Variants in CES5A observed in about 807,000 individuals in gnomAD.
CES5A encodes carboxylesterase 5.
In CES5A, 67 loss-of-function variants were observed where a neutral mutation model predicts 62.9. The ratio of observed to expected loss-of-function variants is 1.07; its 90% CI spans 0.88 to 1.31. The LOEUF is 1.31. Ranked by LOEUF, CES5A falls within the 50% of genes most tolerant of loss-of-function variation. The pLI, the probability that CES5A is intolerant of heterozygous loss-of-function variation, is 0.00. For missense variants in CES5A, 748 were observed against 708.5 expected (o/e 1.06, Z -0.63); for synonymous variants, 296 against 280.8 (o/e 1.05, Z -0.54).
At position 55,869,863 on chromosome 16, in the gene CES5A, G is replaced by A. The variant is rs566984526; in HGVS notation, c.418-119C>T. ...ATGTCCCACTTGCTAAGCAGGGTGC[G>A]AGGTTTTGTCATTTGAAGAAGGCCC... On this transcript the variant is annotated intron_variant, in intron 3 of 12. Coordinates refer to ENST00000290567, the MANE Select transcript of CES5A (RefSeq NM_001143685.2). 3.1e-5 allele frequency: 43 copies of A among 1,383,452 alleles called. No homozygotes were observed. The African/African-American group carries it at 5.4e-4, about 17-fold the overall frequency. The allele number at this position is 1,383,452 out of a possible 1,614,324, so 85.7% of individuals were successfully genotyped here.
At position 55,870,122 on chromosome 16, in the gene CES5A, T is replaced by C. The variant is rs74624766; in HGVS notation, c.418-378A>G. Among the ~76,000 whole-genome samples, 250 of 152,314 alleles carry C rather than the reference T, an allele frequency of 1.6e-3. 2 individuals carry two copies. Among genetic ancestry groups the C allele is most frequent in the African/African-American group, 5.9e-3 (247 of 41,564 alleles). On this transcript the variant is annotated intron_variant, in intron 3 of 12. Coordinates refer to ENST00000290567, the MANE Select transcript of CES5A (RefSeq NM_001143685.2). ...ATAGCACATTTCAAGTTTCAAGTGC[T>C]CAGAAATTGTTCACTAAATACCAGT...
chr16:55,911,360 A>G (rs2034090507), intron 1 of CES5A, among the ~76,000 whole-genome samples: 1 of 152,206 alleles, frequency 6.6e-6, no homozygotes, highest in Non-Finnish European at 1.5e-5. Flanking sequence ...GGGAGGCTGG[A>G]AACACGCCCA....
chr16:55,849,567 C>T (rs1449447604), intron 11 of CES5A, 57 bp downstream of exon 11: 64 of 1,581,856 alleles, frequency 4.0e-5, no homozygotes, highest in African/African-American at 6.8e-5. Context: ...GCGCTTGCAT[C>T]GTGGTGGGGT....
chr16:55,936,252 TG>T (rs1209044184), intron 2 of CES5A, among the ~76,000 whole-genome samples: 1 of 152,204 alleles, frequency 6.6e-6, no homozygotes, highest in African/African-American at 2.4e-5. Flanking sequence ...AAAGAATTAA[TG>T]GAAGAGAAAG....
At chr16:55,881,250 C>G (rs188688420) in intron 1 of CES5A, among the ~76,000 whole-genome samples, 1 of 152,160 alleles carries the variant, frequency 6.6e-6, no homozygotes, top group East Asian at 1.9e-4. Flanking sequence ...TTCTCCCAAG[C>G]CAGTAACCAG....
chr16:55,849,979 A>G (rs890607656), intron 10 of CES5A, among the ~76,000 whole-genome samples: 3 of 152,242 alleles, frequency 2.0e-5, no homozygotes, highest in Admixed American at 6.5e-5. Flanking sequence ...ACGTCTGAGA[A>G]GGCAGTAGTT....
intron 3 of CES5A, 54 bp downstream of exon 3, chr16:55,871,571 C>T: frequency 6.2e-7 from 1 of 1,603,286 alleles, no homozygotes; most frequent in Non-Finnish European, 8.5e-7. Flanking sequence ...CTGCCTGGAT[C>T]CCAGGCCAAG....
chr16:55,942,939 G>A (rs2034460187), intron 2 of CES5A, among the ~76,000 whole-genome samples: 1 of 152,182 alleles, frequency 6.6e-6, no homozygotes, highest in African/African-American at 2.4e-5. Flanking sequence ...TTTTGTCTAT[G>A]TCAAGTTCTA....
intron 2 of CES5A, among the ~76,000 whole-genome samples, chr16:55,932,227 G>A (rs1403382022): frequency 3.3e-5 from 5 of 152,110 alleles, no homozygotes; most frequent in African/African-American, 1.2e-4. Context: ...GCCACCTCAG[G>A]ACTCTGCAGA....
chr16:55,933,756 C>T (rs1421450302), intron 2 of CES5A, among the ~76,000 whole-genome samples: 1 of 152,180 alleles, frequency 6.6e-6, no homozygotes, highest in East Asian at 1.9e-4. Flanking sequence ...CATCTCTCAC[C>T]TGGACCACTG....
At chr16:55,939,343 G>C (rs956104935) in intron 2 of CES5A, among the ~76,000 whole-genome samples, 3 of 152,134 alleles carry the variant, frequency 2.0e-5, no homozygotes, top group Non-Finnish European at 4.4e-5. Flanking sequence ...CATGAACTAA[G>C]AGTACAAAGG....
intron 1 of CES5A, among the ~76,000 whole-genome samples, chr16:55,952,453 C>T (rs2034567544): frequency 6.6e-6 from 1 of 151,802 alleles, no homozygotes; most frequent in African/African-American, 2.4e-5. Context: ...ACAAAAAAAT[C>T]AATAGTATAG....
chr16:55,867,402 T>C (rs1377301028), intron 4 of CES5A, among the ~76,000 whole-genome samples: 1 of 152,180 alleles, frequency 6.6e-6, no homozygotes, highest in Non-Finnish European at 1.5e-5. Flanking sequence ...GGAAATGCCA[T>C]AGAACCAAAG....
At chr16:55,922,403 T>C (rs2034214797) in intron 1 of CES5A, among the ~76,000 whole-genome samples, 1 of 151,774 alleles carries the variant, frequency 6.6e-6, no homozygotes, top group Admixed American at 6.6e-5. Flanking sequence ...TATACTTATA[T>C]GAGAAAAAAT....
intron 7 of CES5A, among the ~76,000 whole-genome samples, chr16:55,859,975 T>G (rs1171885535): frequency 5.9e-5 from 9 of 152,186 alleles, no homozygotes; most frequent in African/African-American, 2.2e-4. Flanking sequence ...GTTATATGGT[T>G]TGGCTGTGTC....
chr16:55,851,951 A>T (rs1238861045), intron 10 of CES5A, among the ~76,000 whole-genome samples: 1 of 152,240 alleles, frequency 6.6e-6, no homozygotes, highest in Non-Finnish European at 1.5e-5. Flanking sequence ...ACAAATATTG[A>T]ATGATTCAAC....
At position 55,873,742 on chromosome 16, in the gene CES5A, C is replaced by T. The variant is rs1164422487; in HGVS notation, c.278+91G>A. ...TCTCTCCCTCCTCCCCCATCCATGC[C>T]AATCCCTCTTCTTTCACACTGGGCT... On this transcript the variant is annotated intron_variant, in intron 2 of 12. Transcript: ENST00000290567. The T allele has an allele frequency of 2.5e-6, 3 of 1,194,362 alleles. No homozygotes were observed. The African/African-American group carries it at 4.5e-5, about 18-fold the overall frequency. The allele number at this position is 1,194,362 out of a possible 1,614,324, so 74.0% of individuals were successfully genotyped here.
At chr16:55,941,283 T>C (rs1232229676) in intron 2 of CES5A, among the ~76,000 whole-genome samples, 2 of 152,072 alleles carry the variant, frequency 1.3e-5, no homozygotes, top group African/African-American at 4.8e-5. Context: ...AACTAATACC[T>C]GAGTTTAGCA....
intron 2 of CES5A, among the ~76,000 whole-genome samples, chr16:55,947,808 C>A (rs1029260803): frequency 3.6e-4 from 54 of 151,816 alleles, no homozygotes; most frequent in Non-Finnish European, 7.2e-4. Context: ...CTGGAGTGAG[C>A]AAAGGGGACA....
Sources: allele counts gnomAD v4.1 joint callset (sites outside exome capture counted in the v4.1 genomes callset), GRCh38; gene constraint gnomAD v4.1.1; transcripts MANE v1.5; gene names NCBI Gene and HGNC (gene_info 2026-07-23, HGNC 2026-07-21).